The following EPSTI1 variants were observed in gnomAD, a reference collection of about 807,000 sequenced individuals.
EPSTI1 encodes the protein epithelial stromal interaction 1.
A neutral mutation model predicts 49.9 loss-of-function variants in EPSTI1; 66 were observed. The ratio of observed to expected loss-of-function variants is 1.32; its 90% CI spans 1.08 to 1.62. The LOEUF (loss-of-function observed/expected upper bound fraction) is 1.62. Among genes scored for constraint, EPSTI1 ranks in the 40% most tolerant of loss-of-function variants. The pLI is 0.00. For synonymous variants in EPSTI1, 137 were observed against 130.7 expected (o/e 1.05, Z -0.33); for missense variants, 394 against 365.5 (o/e 1.08, Z -0.64).
chr13:42,912,467 C>G (rs549550206), intron 8 of EPSTI1, among the ~76,000 whole-genome samples: 5 of 152,252 alleles, frequency 3.3e-5, no homozygotes, highest in African/African-American at 1.2e-4. Context: ...CACGAGTCTA[C>G]TCCACACAGA....
intron 1 of EPSTI1, among the ~76,000 whole-genome samples, chr13:42,988,683 A>G (rs185224472): frequency 1.1e-4 from 16 of 150,838 alleles, no homozygotes; most frequent in African/African-American, 3.9e-4. Context: ...GTGAGCTGAG[A>G]TTGCGCTGTT....
intron 6 of EPSTI1, among the ~76,000 whole-genome samples, chr13:42,947,242 A>G (rs995991182): frequency 1.3e-5 from 2 of 152,192 alleles, no homozygotes; most frequent in Non-Finnish European, 2.9e-5. Flanking sequence ...TTATTTTACT[A>G]CCTGTACTTT....
rs1162521247 is a variant in EPSTI1, at chr13:42,966,708, C to T, written c.331+2386G>A. ...GAGGGAGGTGGGGGGGTCAGCCCCC[C>T]GCCCGGCCAGCCGCCCCGTCCGGGA... is the stretch of plus-strand genomic sequence containing the variant. On this transcript the variant is annotated intron_variant, in intron 3 of 10. Transcript: ENST00000313624. 4.6e-5 allele frequency among the ~76,000 whole-genome samples: 4 copies of T among 86,134 alleles called. 2 individuals are homozygous for T. The highest frequency in any genetic ancestry group is 2.7e-4 in the Admixed American group (2 of 7,402). 56.5% of individuals were successfully genotyped at this position (86,134 alleles called of 152,430 possible). A position where few individuals can be genotyped will look rare whatever the true frequency, so the allele number is the denominator to read the frequency against.
intron 6 of EPSTI1, among the ~76,000 whole-genome samples, chr13:42,930,899 T>C (rs909110434): frequency 6.6e-6 from 1 of 152,200 alleles, no homozygotes; most frequent in Non-Finnish European, 1.5e-5. Context: ...GGGAGGATAA[T>C]TAGGATAAGG....
chr13:42,970,995 T>C (rs1251334190), intron 1 of EPSTI1, among the ~76,000 whole-genome samples: 1 of 152,216 alleles, frequency 6.6e-6, no homozygotes, highest in Non-Finnish European at 1.5e-5. Context: ...GGCTTTAGAT[T>C]GGCATTCTCT....
chr13:42,937,445 A>G (rs2038602998), intron 6 of EPSTI1, among the ~76,000 whole-genome samples: 1 of 152,222 alleles, frequency 6.6e-6, no homozygotes, highest in Admixed American at 6.5e-5. Context: ...CCTTTTACCC[A>G]TAGTAGAACT....
At chr13:42,938,269 T>C (rs1164613237) in intron 6 of EPSTI1, among the ~76,000 whole-genome samples, 5 of 152,100 alleles carry the variant, frequency 3.3e-5, no homozygotes, top group African/African-American at 1.2e-4. Context: ...TCATGGGTGA[T>C]TAGGTGCATT....
chr13:42,952,979 A>G (rs1311996910), intron 6 of EPSTI1, among the ~76,000 whole-genome samples: 1 of 152,204 alleles, frequency 6.6e-6, no homozygotes, highest in Non-Finnish European at 1.5e-5. Context: ...GTGATCTTAA[A>G]TTCTGCAAAC....
Position 42,917,653 on chromosome 13 carries a change from A to AAC in EPSTI1, c.658-30_658-29insGT, listed in dbSNP as rs1555260807. 3.0e-5 allele frequency: 43 copies of AAC among 1,446,982 alleles called. 2 individuals carry two copies. The highest frequency in any genetic ancestry group is 9.9e-5 in the South Asian group (8 of 81,192). 89.6% of individuals were successfully genotyped at this position (1,446,982 alleles called of 1,614,324 possible). A position where few individuals can be genotyped will look rare whatever the true frequency, so the allele number is the denominator to read the frequency against. ...TAAAGGTACAAAGAGAAAAAAAAAAAAAAAAACAACTTGATAGGATAAAGG... is the reference window on the plus strand; with the variant it reads ...TAAAGGTACAAAGAGAAAAAAAAAAAACAAAAAACAACTTGATAGGATAAAGG... On this transcript the variant is annotated intron_variant, in intron 7 of 10. Transcript: ENST00000313624.
chr13:42,949,337 C>A (rs1466504229), intron 6 of EPSTI1, among the ~76,000 whole-genome samples: 2 of 152,100 alleles, frequency 1.3e-5, no homozygotes, highest in Non-Finnish European at 2.9e-5. Flanking sequence ...CGCCTGTAAT[C>A]CCAGCACTTT....
chr13:42,955,879 G>GC (rs1555266330), intron 5 of EPSTI1, among the ~76,000 whole-genome samples: 2,734 of 106,174 alleles, frequency 0.026, 103 homozygotes, highest in African/African-American at 0.062. Flanking sequence ...GAAGTATTTG[G>GC]GGGGGGGGGG....
At chr13:42,954,099 C>T (rs780063108) in intron 5 of EPSTI1, 78 bp from the exon 6 acceptor site, 21 of 1,263,146 alleles carry the variant, frequency 1.7e-5, no homozygotes, top group Non-Finnish European at 2.3e-5. Flanking sequence ...ACCCAAGGTC[C>T]AAAATCCTAA....
At chr13:42,961,091 ACAATAGGC>A (rs2153430621) in intron 5 of EPSTI1, among the ~76,000 whole-genome samples, 1 of 152,296 alleles carries the variant, frequency 6.6e-6, no homozygotes, top group Admixed American at 6.5e-5. Flanking sequence ...TATCATACAC[ACAATAGGC>A]CAGCTATTTC....
intron 9 of EPSTI1, among the ~76,000 whole-genome samples, chr13:42,897,543 C>A (rs967941963): frequency 7.2e-5 from 11 of 152,162 alleles, no homozygotes; most frequent in African/African-American, 2.7e-4. Context: ...CGTTCTTCAC[C>A]CCTGAAAACA....
At chr13:42,981,582 A>C (rs2039987443) in intron 1 of EPSTI1, among the ~76,000 whole-genome samples, 1 of 152,216 alleles carries the variant, frequency 6.6e-6, no homozygotes, top group Non-Finnish European at 1.5e-5. Flanking sequence ...CAGTGCAGAA[A>C]AGTTGGAAAT....
At chr13:42,898,330 A>G (rs2037255515) in intron 9 of EPSTI1, among the ~76,000 whole-genome samples, 1 of 152,252 alleles carries the variant, frequency 6.6e-6, no homozygotes, top group African/African-American at 2.4e-5. Flanking sequence ...AAGAATGGAC[A>G]CGGCTATTTT....
chr13:42,890,707 A>G (rs555523833), intron 10 of EPSTI1, among the ~76,000 whole-genome samples: 2 of 152,200 alleles, frequency 1.3e-5, no homozygotes, highest in Non-Finnish European at 1.5e-5. Context: ...TATTGATCTT[A>G]TATCTACTAA....
rs2040208251 is a variant in EPSTI1 at position 42,992,126 on chromosome 13, C to G, written c.40G>C (p.Ala14Pro). ...CGGGTCGGGCGGGAGGCAGGGGAGG[C>G]GCCGAGCCCGGAGTTCACCACTCTA... ...RNRVVNSGLG[A>P]SPASRPTRDP... Residue 14 changes from alanine (A) to proline (P), a missense_variant, in exon 1 of 11, where the codon GCC (alanine) becomes CCC (proline). Transcript: ENST00000313624. The G allele has an allele frequency of 6.2e-7, 1 of 1,606,958 alleles. No homozygotes were observed. Among genetic ancestry groups the G allele is most frequent in the Middle Eastern group, 1.7e-4 (1 of 6,036 alleles).
rs113773634 is a variant in EPSTI1 at position 42,985,045 on chromosome 13, G to T, written c.188+6933C>A. ...AGACAAGCAAGAGATGGATAAGGGGGAATGCTTGTGAAGGATGAAAGTGGG... is the reference window on the plus strand; with the variant it reads ...AGACAAGCAAGAGATGGATAAGGGGTAATGCTTGTGAAGGATGAAAGTGGG... On this transcript the variant is annotated intron_variant, in intron 1 of 10. Transcript: ENST00000313624. Among the ~76,000 whole-genome samples the T allele has an allele frequency of 3.3e-5, 5 of 152,330 alleles. 1 individual carries two copies. Among genetic ancestry groups the T allele is most frequent in the African/African-American group, 1.2e-4 (5 of 41,570 alleles).
Sources: allele counts gnomAD v4.1 joint callset (sites outside exome capture counted in the v4.1 genomes callset), GRCh38; gene constraint gnomAD v4.1.1; transcripts MANE v1.5; gene names NCBI Gene and HGNC (gene_info 2026-07-23, HGNC 2026-07-21).